The following PDSS1 variants were observed in gnomAD, a reference collection of about 807,000 sequenced individuals.
The protein encoded by PDSS1 is decaprenyl diphosphate synthase subunit 1.
PDSS1 carries 43 observed loss-of-function variants against 57.5 expected under a neutral mutation model. The observed-to-expected ratio is 0.75, with a 90% CI of 0.59 to 0.96. PDSS1 has a LOEUF of 0.96. PDSS1 is among the 50% of genes least tolerant of loss of function. The pLI is 0.00. For missense variants in PDSS1, 438 were observed against 527.8 expected, an observed-to-expected ratio of 0.83 and a Z score of 1.67; for synonymous variants, 175 against 191.3, an observed-to-expected ratio of 0.91 and a Z score of 0.70.
At chr10:26,706,684 T>C (rs1835230756) in intron 4 of PDSS1, among the ~76,000 whole-genome samples, 1 of 152,186 alleles carries the variant, frequency 6.6e-6, no homozygotes, top group Non-Finnish European at 1.5e-5. Context: ...GCCCTCTGCC[T>C]TCCTCCAGTG....
intron 5 of PDSS1, among the ~76,000 whole-genome samples, chr10:26,716,333 G>A (rs1226176513): frequency 6.6e-6 from 1 of 152,174 alleles, no homozygotes; most frequent in African/African-American, 2.4e-5. Context: ...ACCTCGTAAA[G>A]GATTCACTGG....
intron 6 of PDSS1, among the ~76,000 whole-genome samples, chr10:26,722,131 A>T (rs1835808009): frequency 6.6e-6 from 1 of 152,294 alleles, no homozygotes; most frequent in African/African-American, 2.4e-5. Context: ...AGAAGGAACT[A>T]AAGGCCAAAG....
chr10:26,740,136 C>A (rs1325336491), intron 10 of PDSS1, among the ~76,000 whole-genome samples: 2 of 137,212 alleles, frequency 1.5e-5, no homozygotes, highest in African/African-American at 5.8e-5. Flanking sequence ...AGCGAAACTC[C>A]ATCTCAAAAA....
chr10:26,699,686 C>T (rs1834986971), intron 1 of PDSS1, among the ~76,000 whole-genome samples: 1 of 152,134 alleles, frequency 6.6e-6, no homozygotes, highest in African/African-American at 2.4e-5. Context: ...TGTGAGCCAC[C>T]ACGCCTGGCC....
intron 1 of PDSS1, among the ~76,000 whole-genome samples, chr10:26,698,296 C>A (rs1473991289): frequency 6.6e-6 from 1 of 152,136 alleles, no homozygotes; most frequent in African/African-American, 2.4e-5. Context: ...TCGAATCGGC[C>A]TCGGAATAGT....
chr10:26,734,296 A>G (rs1277798644), intron 8 of PDSS1, among the ~76,000 whole-genome samples: 1 of 152,228 alleles, frequency 6.6e-6, no homozygotes, highest in Admixed American at 6.5e-5. Context: ...AGCATCCGCG[A>G]GCCTTACAGA....
At chr10:26,742,815 T>G (rs573292795) in intron 11 of PDSS1, among the ~76,000 whole-genome samples, 1 of 152,314 alleles carries the variant, frequency 6.6e-6, no homozygotes, top group Admixed American at 6.5e-5. Context: ...GCACAGACAT[T>G]AATATCTTTT....
rs756431088 is a variant in PDSS1, at chr10:26,723,779, TTC to T, written c.610-25_610-24del. 1.1e-5 allele frequency: 17 copies of T among 1,487,160 alleles called. No homozygotes were observed. In the East Asian group the frequency reaches 3.4e-4, roughly 30 times the overall value. The allele number at this position is 1,487,160 out of a possible 1,614,324, so 92.1% of individuals were successfully genotyped here. The stretch of plus-strand genomic sequence containing the variant: ...CTGCTCTGATGGATTTTTCAGAACG[TTC>T]TGTTTTCCCCCTGTCTTTTTCTAGG... On this transcript the variant is annotated intron_variant, in intron 6 of 11. Coordinates refer to ENST00000376215, the MANE Select transcript of PDSS1 (RefSeq NM_014317.5).
intron 5 of PDSS1, among the ~76,000 whole-genome samples, chr10:26,717,092 C>A (rs1835607974): frequency 6.6e-6 from 1 of 152,174 alleles, no homozygotes; most frequent in Non-Finnish European, 1.5e-5. Flanking sequence ...ATAAAAAATA[C>A]ATCAGGTAAA....
chr10:26,735,272 G>A lies in PDSS1; in HGVS notation c.864G>A (p.Val288=), dbSNP rs1156398984. The change falls in exon 9 of 12, where the codon GTG becomes GTA. Residue 288 remains valine (V), a synonymous_variant. Coordinates refer to ENST00000376215, the MANE Select transcript of PDSS1 (RefSeq NM_014317.5). ...VSVLGCPDPV[V]HEIAYQYGKN... ...TTCTAGGATGTCCCGACCCAGTGGT[G>A]CATGAGATCGCCTATCAGTACGGAA... The A allele has an allele frequency of 6.2e-7, 1 of 1,613,662 alleles. No homozygotes were observed. Among genetic ancestry groups the A allele is most frequent in the Non-Finnish European group, 8.5e-7 (1 of 1,179,544 alleles).
At chr10:26,702,302 G>A in intron 2 of PDSS1, 108 bp downstream of exon 2, 1 of 365,954 alleles carries the variant, frequency 2.7e-6, no homozygotes, top group Non-Finnish European at 5.5e-6. Context: ...ATGAGATTTG[G>A]GAGGAGCAAG....
chr10:26,710,390 C>T (rs1413023434), intron 5 of PDSS1, among the ~76,000 whole-genome samples: 1 of 91,828 alleles, frequency 1.1e-5, no homozygotes, highest in Non-Finnish European at 2.5e-5. Context: ...GGACTACAGG[C>T]GCCTGCCACT....
chr10:26,700,814 G>T (rs1488739749), intron 1 of PDSS1, among the ~76,000 whole-genome samples: 1 of 152,036 alleles, frequency 6.6e-6, no homozygotes, highest in East Asian at 1.9e-4. Context: ...GTGTGAGAAT[G>T]GACCAATACA....
chr10:26,743,272 T>A (rs1836691742), intron 11 of PDSS1, among the ~76,000 whole-genome samples: 1 of 152,204 alleles, frequency 6.6e-6, no homozygotes, highest in Non-Finnish European at 1.5e-5. Context: ...ATGAGCCATT[T>A]CCAAGTTCAC....
chr10:26,714,021 CCT>C (rs945390824), intron 5 of PDSS1, among the ~76,000 whole-genome samples: 11 of 152,100 alleles, frequency 7.2e-5, no homozygotes, highest in Admixed American at 2.0e-4. Context: ...AGTCCTGTAT[CCT>C]CTCCCCCTCC....
chr10:26,743,725 A>G (rs1312963716), intron 11 of PDSS1, among the ~76,000 whole-genome samples: 1 of 152,232 alleles, frequency 6.6e-6, no homozygotes, highest in African/African-American at 2.4e-5. Flanking sequence ...ACACATTTAG[A>G]GGAAACAAAA....
chr10:26,700,401 C>A (rs1257915481), intron 1 of PDSS1, among the ~76,000 whole-genome samples: 1 of 152,042 alleles, frequency 6.6e-6, no homozygotes, highest in Admixed American at 6.6e-5. Context: ...CTCAGGAGTT[C>A]GAGACCAGCC....
intron 4 of PDSS1, among the ~76,000 whole-genome samples, chr10:26,705,617 G>A (rs529239183): frequency 2.0e-5 from 3 of 152,222 alleles, no homozygotes; most frequent in African/African-American, 7.2e-5. Flanking sequence ...GAGATTATAG[G>A]CATGCGCCAT....
intron 5 of PDSS1, among the ~76,000 whole-genome samples, chr10:26,716,607 A>G (rs181286408): frequency 6.6e-6 from 1 of 152,028 alleles, no homozygotes; most frequent in Non-Finnish European, 1.5e-5. Flanking sequence ...CAGAAGAATC[A>G]CTAAAACAAG....
Sources: allele counts gnomAD v4.1 joint callset (sites outside exome capture counted in the v4.1 genomes callset), GRCh38; gene constraint gnomAD v4.1.1; transcripts MANE v1.5; gene names NCBI Gene and HGNC (gene_info 2026-07-23, HGNC 2026-07-21).